The following COL25A1 variants were observed in gnomAD, a reference collection of about 807,000 sequenced individuals.
The protein encoded by COL25A1 is collagen alpha-1(XXV) chain.
In COL25A1, 103 loss-of-function variants were observed where a neutral mutation model predicts 128.4. The ratio of observed to expected loss-of-function variants is 0.80; its 90% CI spans 0.68 to 0.94. The LOEUF is 0.94. Ranked by LOEUF, COL25A1 falls within the 40% of genes least tolerant of loss-of-function variation. The probability of loss-of-function intolerance (pLI) is 0.00; values close to 1 mark genes in which losing one functional copy is unlikely to be tolerated. For synonymous variants in COL25A1, 279 were observed against 277.2 expected (o/e 1.01, Z -0.06); for missense variants, 745 against 840.0 (o/e 0.89, Z 1.40).
chr4:109,033,061 C>A (rs190624709), intron 5 of COL25A1, among the ~76,000 whole-genome samples: 1 of 152,208 alleles, frequency 6.6e-6, no homozygotes, highest in Admixed American at 6.5e-5. Context: ...CCAGTATGAA[C>A]CTTCAGAAAT....
intron 15 of COL25A1, among the ~76,000 whole-genome samples, 164 bp downstream of exon 15, chr4:108,898,990 T>TCTATATATCTATATATCTATATAC (rs1287605724): frequency 6.2e-5 from 9 of 144,344 alleles, no homozygotes; most frequent in Non-Finnish European, 1.3e-4. Flanking sequence ...TATCTATATA[T>TCTATATATCTATATATCTATATAC]CTATATATCT....
intron 13 of COL25A1, among the ~76,000 whole-genome samples, chr4:108,901,383 CTCA>C (rs1212390662): frequency 2.6e-5 from 4 of 152,064 alleles, no homozygotes; most frequent in African/African-American, 7.2e-5. Context: ...GTTCAGTCTT[CTCA>C]TCATTAAGAA....
At chr4:109,064,510 G>A (rs572360141) in intron 3 of COL25A1, among the ~76,000 whole-genome samples, 1 of 152,196 alleles carries the variant, frequency 6.6e-6, no homozygotes, top group South Asian at 2.1e-4. Context: ...TCTTTCTATC[G>A]ATTCCCTTAA....
intron 6 of COL25A1, among the ~76,000 whole-genome samples, chr4:108,976,882 C>A (rs897077257): frequency 1.4e-4 from 21 of 152,134 alleles, no homozygotes; most frequent in African/African-American, 5.1e-4. Context: ...TTACCATTGA[C>A]AAGAAACTTT....
chr4:109,130,649 A>T (rs1341967037), intron 3 of COL25A1, among the ~76,000 whole-genome samples: 1 of 152,156 alleles, frequency 6.6e-6, no homozygotes, highest in Non-Finnish European at 1.5e-5. Context: ...AGTAAAGAGA[A>T]AAAAATCTGG....
chr4:109,033,622 A>G (rs1488224911), intron 5 of COL25A1, among the ~76,000 whole-genome samples: 1 of 152,194 alleles, frequency 6.6e-6, no homozygotes, highest in East Asian at 1.9e-4. Flanking sequence ...GGTGTAGGAA[A>G]TTTCCAGGTT....
chr4:109,077,114 T>G (rs1180552265), intron 3 of COL25A1, among the ~76,000 whole-genome samples: 1 of 152,188 alleles, frequency 6.6e-6, no homozygotes, highest in African/African-American at 2.4e-5. Context: ...GAAAAGCTAA[T>G]TGGCACAACA....
intron 10 of COL25A1, 66 bp downstream of exon 10, chr4:108,940,472 AC>A: frequency 7.5e-7 from 1 of 1,333,208 alleles, no homozygotes; most frequent in Non-Finnish European, 1.1e-6. Flanking sequence ...ACCCTACTCC[AC>A]CCTAGTTCTC....
intron 8 of COL25A1, among the ~76,000 whole-genome samples, chr4:108,942,531 C>T (rs138470531): frequency 6.6e-6 from 1 of 152,018 alleles, no homozygotes; most frequent in Non-Finnish European, 1.5e-5. Context: ...GCAACCTCCA[C>T]CTCCCAGGTT....
chr4:109,091,987 A>G (rs997596214), intron 3 of COL25A1, among the ~76,000 whole-genome samples: 1 of 152,234 alleles, frequency 6.6e-6, no homozygotes, highest in East Asian at 1.9e-4. Flanking sequence ...CATGTTGGTC[A>G]GGAGCAATGG....
chr4:108,898,968 G>C (rs953498868), intron 15 of COL25A1, among the ~76,000 whole-genome samples, 186 bp downstream of exon 15: 16 of 145,310 alleles, frequency 1.1e-4, no homozygotes, highest in Non-Finnish European at 2.0e-4. Flanking sequence ...AAAAACACAG[G>C]AGTCATATCT....
At chr4:108,998,460 A>C (rs572326911) in intron 6 of COL25A1, among the ~76,000 whole-genome samples, 64 of 152,352 alleles carry the variant, frequency 4.2e-4, no homozygotes, top group African/African-American at 1.5e-3. Context: ...TCAATGAAAT[A>C]AAAGATGACA....
At chr4:108,824,362 A>G (rs1732125181) in intron 34 of COL25A1, 135 bp from the exon 35 acceptor site, 1 of 638,400 alleles carries the variant, frequency 1.6e-6, no homozygotes, top group African/African-American at 1.8e-5. Context: ...TAAGACTTAG[A>G]TAATAAAGCA....
intron 3 of COL25A1, among the ~76,000 whole-genome samples, chr4:109,118,003 A>C (rs1312401707): frequency 6.6e-6 from 1 of 151,950 alleles, no homozygotes; most frequent in Non-Finnish European, 1.5e-5. Flanking sequence ...AAGGCAGAAA[A>C]AAATGTAGAA....
intron 3 of COL25A1, among the ~76,000 whole-genome samples, chr4:109,082,735 T>C (rs1763951149): frequency 1.3e-5 from 2 of 152,224 alleles, no homozygotes; most frequent in South Asian, 4.1e-4. Flanking sequence ...TCCCCTATTC[T>C]GTGGGTTGCC....
intron 3 of COL25A1, among the ~76,000 whole-genome samples, chr4:109,185,620 C>T (rs1775062588): frequency 6.6e-6 from 1 of 152,198 alleles, no homozygotes; most frequent in South Asian, 2.1e-4. Flanking sequence ...CATTCAAATG[C>T]TAAATCCCTA....
chr4:109,239,337 T>C (rs1027108062), intron 3 of COL25A1, among the ~76,000 whole-genome samples: 39 of 147,258 alleles, frequency 2.6e-4, no homozygotes, highest in African/African-American at 8.8e-4. Context: ...GTAATATTTA[T>C]ATTATTATAT....
At position 108,887,641 on chromosome 4, in the gene COL25A1, CA is replaced by C. The variant is rs377173519; in HGVS notation, c.975+1579del. On this transcript the variant is annotated intron_variant, in intron 18 of 37. Coordinates refer to ENST00000399132, the MANE Select transcript of COL25A1 (RefSeq NM_198721.4). ...TTTAAAACTGGTTTTTAGTGCAATG[CA>C]AAGGAAATCCAGTGTTCCCATGAGT... is the stretch of plus-strand genomic sequence containing the variant. Among the ~76,000 whole-genome samples the C allele has an allele frequency of 2.2e-3, 330 of 152,206 alleles. 1 individual carries two copies. The highest frequency in any genetic ancestry group is 7.5e-3 in the African/African-American group (313 of 41,532).
chr4:108,814,065 A>G, intron 37 of COL25A1, 136 bp from the exon 38 acceptor site: 1 of 652,030 alleles, frequency 1.5e-6, no homozygotes, highest in Non-Finnish European at 2.7e-6. Context: ...GCTATCAATG[A>G]GCCAATTGAT....
Sources: allele counts gnomAD v4.1 joint callset (sites outside exome capture counted in the v4.1 genomes callset), GRCh38; gene constraint gnomAD v4.1.1; transcripts MANE v1.5; gene names NCBI Gene and HGNC (gene_info 2026-07-23, HGNC 2026-07-21).